The following CDH8 variants were observed in gnomAD, a reference collection of about 807,000 sequenced individuals.
CDH8 encodes the protein cadherin 8.
CDH8 carries 17 observed loss-of-function variants against 68.1 expected under a neutral mutation model. The ratio of observed to expected loss-of-function variants is 0.25; its 90% CI spans 0.17 to 0.37. The LOEUF (loss-of-function observed/expected upper bound fraction) is 0.37. Ranked by LOEUF, CDH8 falls within the 10% of genes least tolerant of loss-of-function variation. CDH8 has a pLI of 1.00. For missense variants in CDH8, 763 were observed against 999.3 expected, an observed-to-expected ratio of 0.76 and a Z score of 3.19; for synonymous variants, 372 against 365.1, an observed-to-expected ratio of 1.02 and a Z score of -0.21.
intron 2 of CDH8, among the ~76,000 whole-genome samples, chr16:61,927,982 G>A (rs549893882): frequency 4.2e-4 from 64 of 152,230 alleles, no homozygotes; most frequent in African/African-American, 1.4e-3. Context: ...CCTTCCCTTC[G>A]GTAAAGTTAG....
In CDH8 at chr16:61,653,657, T is replaced by C; in HGVS notation, c.2351A>G (p.Lys784Arg). The C allele has an allele frequency of 1.2e-6, 2 of 1,614,066 alleles. No individual in the cohort carries two copies. The highest frequency in any genetic ancestry group is 1.7e-6 in the Non-Finnish European group (2 of 1,180,010). ...AACAGAGTAGAGTTCGCCCAGTCTC[T>C]TAAAGCGGGGACCCCAGTCACTGAG... ...DYLSDWGPRF[K>R]RLGELYSVGE... The change falls in exon 12 of 12, where the codon AAG becomes AGG. Residue 784 changes from lysine to arginine, a missense_variant. Lys to Arg is a conservative substitution (Grantham distance 26). Around this residue, in one of 2 missense-constraint regions of CDH8, gnomAD observed 397 missense variants for 436.2 expected, o/e 0.91. Coordinates refer to ENST00000577390, the MANE Select transcript of CDH8 (RefSeq NM_001796.5).
At position 61,923,617 on chromosome 16, in the gene CDH8, C is replaced by G. The variant is rs540950808; in HGVS notation, c.253-22144G>C. Among the ~76,000 whole-genome samples the G allele has an allele frequency of 1.7e-4, 25 of 151,500 alleles. No individual in the cohort carries two copies. In the South Asian group the frequency reaches 4.8e-3, roughly 29 times the overall value. On this transcript the variant is annotated intron_variant, in intron 2 of 11. Transcript: ENST00000577390. ...GAATAATAAGTGAAATACTATATGT[C>G]ACATATACAACATAAAGCTGGCATA...
intron 10 of CDH8, among the ~76,000 whole-genome samples, chr16:61,656,027 C>A (rs1963440779): frequency 6.6e-6 from 1 of 152,146 alleles, no homozygotes; most frequent in Non-Finnish European, 1.5e-5. Context: ...TGCCAGCCAC[C>A]ACACCGGGCT....
chr16:61,798,461 C>T (rs1271997177), intron 7 of CDH8, among the ~76,000 whole-genome samples: 3 of 152,120 alleles, frequency 2.0e-5, no homozygotes, highest in African/African-American at 4.8e-5. Context: ...CTATATGTGG[C>T]TATTTCACCC....
chr16:61,652,645 TA>T lies in CDH8; in HGVS notation c.*962del. ...AACATTCATTGTATATATATTTATA[TA>T]AAACAATCTAAAGGATTATTAATGG... On this transcript the variant is annotated 3_prime_UTR_variant, in exon 12 of 12. Coordinates refer to ENST00000577390, the MANE Select transcript of CDH8 (RefSeq NM_001796.5). 2 of 1,104,040 alleles carry T rather than the reference TA, an allele frequency of 1.8e-6. No individual in the cohort carries two copies. Among genetic ancestry groups the T allele is most frequent in the Non-Finnish European group, 2.3e-6 (2 of 874,126 alleles). The allele number at this position is 1,104,040 out of a possible 1,614,324, so 68.4% of individuals were successfully genotyped here.
chr16:61,754,851 G>T (rs1960270548), intron 8 of CDH8, among the ~76,000 whole-genome samples: 1 of 151,982 alleles, frequency 6.6e-6, no homozygotes, highest in African/African-American at 2.4e-5. Context: ...GAGATTTGGG[G>T]TATGAATGGC....
intron 1 of CDH8, among the ~76,000 whole-genome samples, chr16:62,026,737 C>G (rs1234750923): frequency 6.6e-6 from 1 of 152,176 alleles, no homozygotes; most frequent in Non-Finnish European, 1.5e-5. Flanking sequence ...AGAGTTGAGA[C>G]TTGGTCTTCA....
intron 9 of CDH8, among the ~76,000 whole-genome samples, chr16:61,718,237 T>G (rs1272355891): frequency 2.0e-5 from 3 of 151,468 alleles, no homozygotes; most frequent in Non-Finnish European, 4.4e-5. Flanking sequence ...AGTCTGAAGG[T>G]TCTTGATTGA....
At chr16:61,742,009 A>G (rs1959885787) in intron 8 of CDH8, among the ~76,000 whole-genome samples, 1 of 151,926 alleles carries the variant, frequency 6.6e-6, no homozygotes, top group South Asian at 2.1e-4. Flanking sequence ...TGTATCTTTA[A>G]TTTTTATCTT....
In CDH8 at chr16:61,951,091, AATCATCATC is replaced by A. The variant is rs144502941; in HGVS notation, c.253-49627_253-49619del. On this transcript the variant is annotated intron_variant, in intron 2 of 11. Transcript: ENST00000577390. ...ACATTCCAGTCTTTGGATAACTAGT[AATCATCATC>A]ATCATCATCATCATCATCATCATGG... 2.0e-5 allele frequency among the ~76,000 whole-genome samples: 3 copies of A among 151,390 alleles called. No individual in the cohort carries two copies. In the East Asian group the frequency reaches 5.9e-4, roughly 30 times the overall value.
chr16:61,970,391 T>A (rs1486248463), intron 2 of CDH8, among the ~76,000 whole-genome samples: 1 of 152,140 alleles, frequency 6.6e-6, no homozygotes, highest in Non-Finnish European at 1.5e-5. Context: ...AGAAGTTAAA[T>A]AAAAGTCATT....
chr16:62,008,911 G>T (rs1254932460), intron 2 of CDH8, among the ~76,000 whole-genome samples: 2 of 149,930 alleles, frequency 1.3e-5, no homozygotes, highest in Admixed American at 6.7e-5. Context: ...CCAAAGGAAA[G>T]CTCCTTTAAG....
intron 8 of CDH8, among the ~76,000 whole-genome samples, chr16:61,733,901 A>T (rs1959605145): frequency 6.6e-6 from 1 of 152,088 alleles, no homozygotes; most frequent in Admixed American, 6.6e-5. Context: ...ACCTCAAAAC[A>T]TTCAAACTAA....
intron 3 of CDH8, among the ~76,000 whole-genome samples, chr16:61,880,503 C>G (rs1342892943): frequency 1.3e-5 from 2 of 152,150 alleles, no homozygotes; most frequent in Admixed American, 1.3e-4. Flanking sequence ...TGGAACTTGT[C>G]ATGATCAAAA....
At chr16:61,824,211 G>A (rs549306897) in intron 5 of CDH8, among the ~76,000 whole-genome samples, 12 of 151,712 alleles carry the variant, frequency 7.9e-5, no homozygotes, top group Non-Finnish European at 1.5e-4. Flanking sequence ...CTTATATGTG[G>A]CATCTTAAAA....
chr16:61,705,111 C>A (rs1164378586), intron 10 of CDH8, among the ~76,000 whole-genome samples: 1 of 152,172 alleles, frequency 6.6e-6, no homozygotes, highest in East Asian at 1.9e-4. Context: ...AAGATCCAAG[C>A]ACGGCAATTA....
At chr16:62,019,406 C>T (rs1302529840) in intron 2 of CDH8, among the ~76,000 whole-genome samples, 1 of 152,106 alleles carries the variant, frequency 6.6e-6, no homozygotes, top group African/African-American at 2.4e-5. Flanking sequence ...TCCATCTAAA[C>T]CTCACTTTTG....
chr16:61,854,922 G>A (rs974266270), intron 4 of CDH8, among the ~76,000 whole-genome samples: 1 of 152,034 alleles, frequency 6.6e-6, no homozygotes, highest in African/African-American at 2.4e-5. Context: ...TAATTTTGCA[G>A]ACATTTACCC....
At chr16:61,863,844 G>A (rs1266728539) in intron 3 of CDH8, among the ~76,000 whole-genome samples, 1 of 152,174 alleles carries the variant, frequency 6.6e-6, no homozygotes, top group Non-Finnish European at 1.5e-5. Context: ...CACAGACAAA[G>A]TGTTTGGCAT....
Sources: allele counts gnomAD v4.1 joint callset (sites outside exome capture counted in the v4.1 genomes callset), GRCh38; gene constraint gnomAD v4.1.1; regional missense constraint gnomAD v4.1.1; transcripts MANE v1.5; gene names NCBI Gene and HGNC (gene_info 2026-07-23, HGNC 2026-07-21).